The following FCHSD2 variants were observed in gnomAD, a reference collection of about 807,000 sequenced individuals.
FCHSD2 encodes F-BAR and double SH3 domains protein 2.
FCHSD2 carries 38 observed loss-of-function variants against 108.1 expected under a neutral mutation model. The observed-to-expected ratio is 0.35, with a 90% CI of 0.27 to 0.46. The LOEUF is 0.46. FCHSD2 is among the 20% of genes least tolerant of loss of function. The pLI, the probability that FCHSD2 is intolerant of heterozygous loss-of-function variation, is 1.00. For synonymous variants in FCHSD2, 279 were observed against 314.7 expected (o/e 0.89, Z 1.20); for missense variants, 751 against 897.8 (o/e 0.84, Z 2.09).
intron 13 of FCHSD2, among the ~76,000 whole-genome samples, chr11:72,857,193 C>T (rs10751219): frequency 0.95 from 144,688 of 152,300 alleles, 69,060 homozygotes; most frequent in East Asian, 1. Flanking sequence ...TTCTGCATTG[C>T]TCTAGCTGCT....
intron 13 of FCHSD2, among the ~76,000 whole-genome samples, chr11:72,857,168 G>A (rs886435657): frequency 6.6e-6 from 1 of 152,154 alleles, no homozygotes; most frequent in Non-Finnish European, 1.5e-5. Context: ...AGCAATAGCG[G>A]TCACTGTCAT....
intron 9 of FCHSD2, among the ~76,000 whole-genome samples, chr11:72,918,606 T>C (rs891955626): frequency 2.6e-5 from 4 of 152,234 alleles, no homozygotes; most frequent in African/African-American, 9.6e-5. Flanking sequence ...TTTTTCTGTG[T>C]CTATTGAAAT....
At chr11:73,099,483 T>A (rs755467486) in intron 2 of FCHSD2, among the ~76,000 whole-genome samples, 1 of 151,976 alleles carries the variant, frequency 6.6e-6, no homozygotes, top group East Asian at 1.9e-4. Flanking sequence ...TAAACAAAAA[T>A]TGGCACACAA....
intron 8 of FCHSD2, chr11:72,983,810 T>C: frequency 1.9e-6 from 1 of 524,850 alleles, no homozygotes. Flanking sequence ...CACTCTTGTA[T>C]CTTCTACATC....
intron 12 of FCHSD2, among the ~76,000 whole-genome samples, chr11:72,882,017 C>T (rs989248958): frequency 7.2e-5 from 11 of 151,768 alleles, no homozygotes; most frequent in East Asian, 3.9e-4. Context: ...TGGTGGCGGG[C>T]GCCTGTAGTC....
rs990442671 is a variant in FCHSD2, at chr11:72,837,948, T to C, written c.*843A>G. 6.6e-6 allele frequency: 1 copy of C among 152,224 alleles called. No individual in the cohort carries two copies. The highest frequency in any genetic ancestry group is 2.4e-5 in the African/African-American group (1 of 41,448). The allele number at this position is 152,224 out of a possible 1,614,324, so 9.4% of individuals were successfully genotyped here. A position where few individuals can be genotyped will look rare whatever the true frequency, so the allele number is the denominator to read the frequency against. ...CTAGACATTTGGATTCTAAGGATAC[T>C]GGTAAGAAGAGTATATGCTGTAAAA... On this transcript the variant is annotated 3_prime_UTR_variant, in exon 20 of 20. Coordinates refer to ENST00000409418, the MANE Select transcript of FCHSD2 (RefSeq NM_014824.3).
chr11:72,966,501 C>T (rs1016710021), intron 8 of FCHSD2, among the ~76,000 whole-genome samples: 12 of 152,148 alleles, frequency 7.9e-5, no homozygotes, highest in Non-Finnish European at 1.6e-4. Context: ...ACGGGAATTA[C>T]AGCATTTATT....
intron 3 of FCHSD2, among the ~76,000 whole-genome samples, chr11:73,017,975 A>T (rs1386176363): frequency 6.6e-6 from 1 of 152,216 alleles, no homozygotes; most frequent in Non-Finnish European, 1.5e-5. Context: ...ATATTGAGAT[A>T]CAGTTCTTGG....
intron 10 of FCHSD2, among the ~76,000 whole-genome samples, chr11:72,892,363 G>A (rs1855330961): frequency 6.6e-6 from 1 of 152,168 alleles, no homozygotes; most frequent in South Asian, 2.1e-4. Flanking sequence ...TTTGGGTAGG[G>A]AATGACACAA....
chr11:73,088,188 T>C (rs553853057), intron 2 of FCHSD2, among the ~76,000 whole-genome samples: 2 of 152,208 alleles, frequency 1.3e-5, no homozygotes, highest in African/African-American at 4.8e-5. Flanking sequence ...TAATCTTTCA[T>C]ACCATATTTT....
chr11:73,078,022 T>G (rs1423547735), intron 3 of FCHSD2, among the ~76,000 whole-genome samples: 2 of 152,234 alleles, frequency 1.3e-5, no homozygotes, highest in Non-Finnish European at 2.9e-5. Context: ...TTTCTTTACC[T>G]GGGTGCTAGT....
chr11:72,946,510 C>T (rs1451465723), intron 8 of FCHSD2, among the ~76,000 whole-genome samples: 3 of 151,946 alleles, frequency 2.0e-5, no homozygotes, highest in African/African-American at 4.8e-5. Flanking sequence ...CTAACCTGCA[C>T]GTTGTGCACA....
intron 3 of FCHSD2, among the ~76,000 whole-genome samples, chr11:73,075,613 C>A (rs554772383): frequency 6.6e-6 from 1 of 152,032 alleles, no homozygotes; most frequent in Middle Eastern, 3.2e-3. Flanking sequence ...GTCAGGAGTT[C>A]GAGACCAGCC....
At position 72,889,823 on chromosome 11, in the gene FCHSD2, A is replaced by T. The variant is rs1182911914; in HGVS notation, c.1041+6T>A. The T allele has an allele frequency of 6.4e-7, 1 of 1,554,304 alleles. No homozygotes were observed. The highest frequency in any genetic ancestry group is 8.9e-7 in the Non-Finnish European group (1 of 1,125,790). On this transcript the variant is annotated splice_donor_region_variant and intron_variant, in intron 11 of 19. Coordinates refer to ENST00000409418, the MANE Select transcript of FCHSD2 (RefSeq NM_014824.3). ...GAATGTAACTAGGACTTTCTCTTAC[A>T]CTTACCCGTTGTTGGTGAACAATGT...
intron 4 of FCHSD2, among the ~76,000 whole-genome samples, chr11:73,013,404 C>T (rs955874047): frequency 4.6e-5 from 7 of 152,242 alleles, no homozygotes; most frequent in Non-Finnish European, 8.8e-5. Flanking sequence ...CTACCCAATT[C>T]TGCAACTATT....
At chr11:72,940,520 A>G in intron 8 of FCHSD2, 1 of 881,574 alleles carries the variant, frequency 1.1e-6, no homozygotes, top group African/African-American at 1.6e-5. Context: ...CCGCACATCC[A>G]GGAGCTATGG....
At chr11:73,104,830 T>C (rs779520806) in intron 2 of FCHSD2, among the ~76,000 whole-genome samples, 31 of 152,310 alleles carry the variant, frequency 2.0e-4, no homozygotes, top group Non-Finnish European at 3.8e-4. Flanking sequence ...AGTGCTGGGA[T>C]TACAGGCCTG....
intron 10 of FCHSD2, among the ~76,000 whole-genome samples, chr11:72,893,333 G>A (rs545817371): frequency 6.6e-6 from 1 of 151,572 alleles, no homozygotes; most frequent in South Asian, 2.1e-4. Context: ...TTTCTTTTTG[G>A]AAGACAGGTT....
intron 9 of FCHSD2, 46 bp from the exon 10 acceptor site, chr11:72,902,684 T>C: frequency 8.7e-7 from 1 of 1,154,974 alleles, no homozygotes; most frequent in Non-Finnish European, 1.2e-6. Flanking sequence ...GAGGTTAAAA[T>C]GTCCAATTAC....
Sources: gnomAD v4.1 joint callset for allele counts (sites outside exome capture counted in the v4.1 genomes callset) on GRCh38, gnomAD v4.1.1 for gene constraint, MANE v1.5 for transcripts, NCBI Gene and HGNC (gene_info 2026-07-23, HGNC 2026-07-21) for gene names.